The following SPTSSB variants were observed in gnomAD, a reference collection of about 807,000 sequenced individuals.
The protein encoded by SPTSSB is serine palmitoyltransferase small subunit B.
SPTSSB carries 6 observed loss-of-function variants against 7.7 expected under a neutral mutation model. That is an observed-to-expected ratio of 0.78 (90% CI 0.43 to 1.54). The LOEUF (loss-of-function observed/expected upper bound fraction) is 1.54. Among genes scored for constraint, SPTSSB ranks in the 40% most tolerant of loss-of-function variants. SPTSSB has a pLI of 0.01. For synonymous variants in SPTSSB, 28 were observed against 29.7 expected (o/e 0.94, Z 0.19); for missense variants, 91 against 93.0 (o/e 0.98, Z 0.09).
At chr3:161,362,628 C>A (rs1715057898) in intron 1 of SPTSSB, among the ~76,000 whole-genome samples, 1 of 152,050 alleles carries the variant, frequency 6.6e-6, no homozygotes, top group South Asian at 2.1e-4. Context: ...CAAGGTACAG[C>A]TTGTTATTGC....
chr3:161,355,981 G>A (rs547446070), intron 2 of SPTSSB, among the ~76,000 whole-genome samples: 1 of 152,186 alleles, frequency 6.6e-6, no homozygotes, highest in South Asian at 2.1e-4. Context: ...GTTGGAATGG[G>A]GCATTACTAG....
rs145523645 is a variant in SPTSSB at position 161,364,518 on chromosome 3, G to A, written c.-125-4624C>T. Among the ~76,000 whole-genome samples, 688 of 152,008 alleles carry A rather than the reference G, an allele frequency of 4.5e-3. 10 individuals are homozygous for A. Among genetic ancestry groups the A allele is most frequent in the African/African-American group, 0.016 (646 of 41,428 alleles). On this transcript the variant is annotated intron_variant, in intron 1 of 2. Coordinates refer to ENST00000620149, the MANE Select transcript of SPTSSB (RefSeq NM_001040100.2). ...AGTTAGCTTTTCATCTCATTTAGTT[G>A]GTAATAGATAACTCCATATGAGGAG...
At chr3:161,360,647 A>G (rs2108164578) in intron 1 of SPTSSB, among the ~76,000 whole-genome samples, 1 of 152,306 alleles carries the variant, frequency 6.6e-6, no homozygotes, top group South Asian at 2.1e-4. Context: ...TTTTTTGTCC[A>G]TATGAATTAA....
intron 2 of SPTSSB, among the ~76,000 whole-genome samples, chr3:161,347,123 G>T (rs1191340757): frequency 5.3e-5 from 8 of 152,080 alleles, no homozygotes; most frequent in Non-Finnish European, 5.9e-5. Flanking sequence ...CTCTTCCCTA[G>T]GGCATTACTG....
At chr3:161,369,360 TTCTCTCTCTGTCTC>T (rs1715399926) in intron 1 of SPTSSB, among the ~76,000 whole-genome samples, 1 of 130,408 alleles carries the variant, frequency 7.7e-6, no homozygotes, top group Non-Finnish European at 1.6e-5. Flanking sequence ...TTCTCTTTCT[TTCTCTCTCTGTCTC>T]TCTTTCTTTC....
chr3:161,365,023 C>T (rs1715161815), intron 1 of SPTSSB, among the ~76,000 whole-genome samples: 1 of 152,160 alleles, frequency 6.6e-6, no homozygotes, highest in Non-Finnish European at 1.5e-5. Context: ...AACCTTTGAT[C>T]TTATAATGGA....
chr3:161,345,111 T>G lies in SPTSSB; in HGVS notation c.*982A>C, dbSNP rs930600429. ...CAGCAGTATAATTAAAACCTTATAT[T>G]TGTTTTAAAGATAAACAGTTTGAAG... On this transcript the variant is annotated 3_prime_UTR_variant, in exon 3 of 3. Coordinates refer to ENST00000620149, the MANE Select transcript of SPTSSB (RefSeq NM_001040100.2). The G allele has an allele frequency of 1.3e-5, 2 of 152,758 alleles. No homozygotes were observed. The highest frequency in any genetic ancestry group is 4.1e-4 in the South Asian group (2 of 4,828). 9.5% of individuals were successfully genotyped at this position (152,758 alleles called of 1,614,324 possible).
chr3:161,357,870 A>G (rs1714840902), intron 2 of SPTSSB, among the ~76,000 whole-genome samples: 1 of 152,038 alleles, frequency 6.6e-6, no homozygotes, highest in East Asian at 1.9e-4. Context: ...CGCTGCCAAC[A>G]CTTTGATTGC....
chr3:161,349,359 T>C (rs1354288405), intron 2 of SPTSSB, among the ~76,000 whole-genome samples: 1 of 152,228 alleles, frequency 6.6e-6, no homozygotes, highest in Non-Finnish European at 1.5e-5. Context: ...TATCCACTGA[T>C]AACCTAGAAC....
intron 1 of SPTSSB, among the ~76,000 whole-genome samples, chr3:161,369,384 CCTTTTT>C (rs1205821015): frequency 1.8e-3 from 71 of 38,632 alleles, no homozygotes; most frequent in African/African-American, 9.0e-3. Flanking sequence ...CTCTTTCTTT[CCTTTTT>C]TTTTTTTTTT....
intron 1 of SPTSSB, among the ~76,000 whole-genome samples, chr3:161,361,906 T>G (rs1576900961): frequency 6.6e-6 from 1 of 152,160 alleles, no homozygotes; most frequent in East Asian, 1.9e-4. Flanking sequence ...TGATGCTTGT[T>G]TCCTCCTAAA....
intron 1 of SPTSSB, among the ~76,000 whole-genome samples, chr3:161,368,728 T>C (rs1236796989): frequency 6.6e-6 from 1 of 152,176 alleles, no homozygotes; most frequent in Admixed American, 6.5e-5. Context: ...GCCCGGCCCC[T>C]AATCTTACCT....
At chr3:161,353,534 G>A (rs1383497902) in intron 2 of SPTSSB, among the ~76,000 whole-genome samples, 3 of 151,616 alleles carry the variant, frequency 2.0e-5, no homozygotes, top group Non-Finnish European at 4.4e-5. Context: ...CTTGGGCAGG[G>A]CCACCACATA....
chr3:161,368,393 C>G (rs1267711057), intron 1 of SPTSSB, among the ~76,000 whole-genome samples: 1 of 151,696 alleles, frequency 6.6e-6, no homozygotes, highest in Non-Finnish European at 1.5e-5. Flanking sequence ...ACACTGTACC[C>G]TTTAGTCACT....
chr3:161,346,019 C>A lies in SPTSSB; in HGVS notation c.*74G>T. 1 of 776,106 alleles carries A rather than the reference C, an allele frequency of 1.3e-6. No homozygotes were observed. Among genetic ancestry groups the A allele is most frequent in the East Asian group, 2.6e-5 (1 of 38,090 alleles). 48.1% of individuals were successfully genotyped at this position (776,106 alleles called of 1,614,324 possible). On this transcript the variant is annotated 3_prime_UTR_variant, in exon 3 of 3. Transcript: ENST00000620149. ...TCAGGTCAGATAGTGAAGGAAGACA[C>A]AATAGTTACCTAAATCAATAAGCTG...
At chr3:161,369,352 C>CTTCCTTTCTTTCTT (rs71149709) in intron 1 of SPTSSB, among the ~76,000 whole-genome samples, 1 of 50,762 alleles carries the variant, frequency 2.0e-5, no homozygotes, top group African/African-American at 7.7e-5. Flanking sequence ...TTCTTTCTTT[C>CTTCCTTTCTTTCTT]TCTTTCTTTC....
At chr3:161,349,909 G>C (rs555261226) in intron 2 of SPTSSB, among the ~76,000 whole-genome samples, 2 of 152,304 alleles carry the variant, frequency 1.3e-5, no homozygotes, top group South Asian at 2.1e-4. Flanking sequence ...CATTAGATTT[G>C]TGTGCGGTGG....
At chr3:161,365,465 C>T (rs1417553721) in intron 1 of SPTSSB, among the ~76,000 whole-genome samples, 3 of 152,150 alleles carry the variant, frequency 2.0e-5, no homozygotes, top group Non-Finnish European at 2.9e-5. Context: ...GGTGTCAGGT[C>T]GGCAAATCAG....
At chr3:161,352,806 A>G (rs1714602738) in intron 2 of SPTSSB, among the ~76,000 whole-genome samples, 1 of 152,188 alleles carries the variant, frequency 6.6e-6, no homozygotes, top group Non-Finnish European at 1.5e-5. Context: ...CTGGTGCTAA[A>G]TTTTTAAAAA....
Sources: gnomAD v4.1 joint callset for allele counts (sites outside exome capture counted in the v4.1 genomes callset) on GRCh38, gnomAD v4.1.1 for gene constraint, MANE v1.5 for transcripts, NCBI Gene and HGNC (gene_info 2026-07-23, HGNC 2026-07-21) for gene names.